Variants in G3BP1 observed in about 807,000 individuals in gnomAD.
The protein encoded by G3BP1 is ras GTPase-activating protein-binding protein 1.
In G3BP1, 35 loss-of-function variants were observed where a neutral mutation model predicts 58.6. The observed-to-expected ratio is 0.60, with a 90% CI of 0.46 to 0.79. The LOEUF is 0.79. Among genes scored for constraint, G3BP1 ranks in the 30% least tolerant of loss-of-function variants. The pLI is 0.00. For synonymous variants in G3BP1, 191 were observed against 195.4 expected (o/e 0.98, Z 0.19); for missense variants, 523 against 580.8 (o/e 0.90, Z 1.02).
intron 1 of G3BP1, among the ~76,000 whole-genome samples, chr5:151,783,517 C>T (rs558556095): frequency 4.0e-5 from 6 of 151,646 alleles, no homozygotes; most frequent in South Asian, 2.1e-4. Flanking sequence ...AAGTGATTCT[C>T]GTGCTTCAGC....
chr5:151,779,544 G>A (rs1361118605), intron 1 of G3BP1, among the ~76,000 whole-genome samples: 2 of 152,150 alleles, frequency 1.3e-5, no homozygotes. Context: ...GTGTATCTAT[G>A]TACGGTATCT....
chr5:151,795,425 G>A, intron 5 of G3BP1, 54 bp from the exon 6 acceptor site: 1 of 876,184 alleles, frequency 1.1e-6, no homozygotes, highest in South Asian at 1.5e-5. Context: ...GAAAGTTAAT[G>A]TATATGTGAA....
intron 2 of G3BP1, among the ~76,000 whole-genome samples, chr5:151,789,038 G>A (rs1444570988): frequency 6.6e-6 from 1 of 152,140 alleles, no homozygotes; most frequent in Non-Finnish European, 1.5e-5. Flanking sequence ...GCCTCCCAAA[G>A]TGTTGGGATT....
intron 1 of G3BP1, among the ~76,000 whole-genome samples, chr5:151,784,318 T>C (rs897895562): frequency 3.9e-5 from 6 of 152,180 alleles, no homozygotes; most frequent in African/African-American, 1.4e-4. Flanking sequence ...TTGCCCAGAC[T>C]AATCTCAAAC....
At chr5:151,797,171 A>G in intron 6 of G3BP1, 56 bp from the exon 7 acceptor site, 3 of 1,565,132 alleles carry the variant, frequency 1.9e-6, no homozygotes, top group Non-Finnish European at 2.6e-6. Flanking sequence ...TGATGGAGGA[A>G]TTTTTTGTGA....
At chr5:151,792,136 G>A (rs1762670453) in intron 4 of G3BP1, 2 of 456,022 alleles carry the variant, frequency 4.4e-6, no homozygotes, top group South Asian at 1.5e-5. Context: ...ACTTATGAAA[G>A]GACGACAAGT....
rs1762828696 is a variant in G3BP1 at position 151,800,252 on chromosome 5, C to G, written c.990C>G (p.Pro330=). Residue 330 remains proline, a synonymous_variant, in exon 10 of 12, where the codon CCC becomes CCG. Transcript: ENST00000356245. ...REAGEQGDIE[P]RRMVRHPDSH... Reference sequence around the variant, plus strand: ...CTGGTGAGCAAGGTGACATTGAACCCCGAAGAATGGTGAGACACCCTGACA... The same window carrying G: ...CTGGTGAGCAAGGTGACATTGAACCGCGAAGAATGGTGAGACACCCTGACA... 2 of 1,612,874 alleles carry G rather than the reference C, an allele frequency of 1.2e-6. No homozygotes were observed.
Position 151,797,241 on chromosome 5 carries a change from A to C in G3BP1, c.554A>C (p.Glu185Ala). The C allele has an allele frequency of 1.2e-6, 2 of 1,613,662 alleles. No individual in the cohort carries two copies. Among genetic ancestry groups the C allele is most frequent in the Non-Finnish European group, 1.7e-6 (2 of 1,179,572 alleles). ...TCCTGTCAAAGTAATGACATGGAAGAACATTTAGAGGAGCCTGTTGCTGAA... is the reference window on the plus strand; with the variant it reads ...TCCTGTCAAAGTAATGACATGGAAGCACATTTAGAGGAGCCTGTTGCTGAA... ...DQAVVSNDMEEHLEEPVAEPE... is the reference protein window; with the variant it reads ...DQAVVSNDMEAHLEEPVAEPE... Residue 185 changes from glutamate (E) to alanine (A), a missense_variant, in exon 7 of 12, where the codon GAA (glutamate) becomes GCA (alanine). Transcript: ENST00000356245.
rs865996742 is a variant in G3BP1, at chr5:151,811,092, G to A, written c.*7001G>A. 2.0e-5 allele frequency: 3 copies of A among 152,164 alleles called. No homozygotes were observed. The highest frequency in any genetic ancestry group is 2.9e-5 in the Non-Finnish European group (2 of 68,036). 9.4% of individuals were successfully genotyped at this position (152,164 alleles called of 1,614,324 possible). On this transcript the variant is annotated 3_prime_UTR_variant, in exon 12 of 12. Coordinates refer to ENST00000356245, the MANE Select transcript of G3BP1 (RefSeq NM_005754.3). ...CACATCCAGTCTTCAGCTAAGTCCT[G>A]TCAGTTCTACCTCAAGTCTTTCCCG...
intron 4 of G3BP1, chr5:151,792,070 A>C: frequency 2.2e-6 from 1 of 456,274 alleles, no homozygotes; most frequent in Non-Finnish European, 4.4e-6. Context: ...TTCCTGGCCC[A>C]GTCCCTATTC....
rs1223410686 is a variant in G3BP1 at position 151,807,365 on chromosome 5, T to TA, written c.*3276dup. On this transcript the variant is annotated 3_prime_UTR_variant, in exon 12 of 12. Transcript: ENST00000356245. ...TTTCTCTAGAACCATAATGCCCCCCTAATTACATTTCAGTAGCATAGACCG... is the reference window on the plus strand; with the variant it reads ...TTTCTCTAGAACCATAATGCCCCCCTAAATTACATTTCAGTAGCATAGACCG... The TA allele has an allele frequency of 6.6e-6, 1 of 152,176 alleles. No homozygotes were observed. The highest frequency in any genetic ancestry group is 1.5e-5 in the Non-Finnish European group (1 of 68,028). The allele number at this position is 152,176 out of a possible 1,614,324, so 9.4% of individuals were successfully genotyped here.
At chr5:151,800,448 T>C in intron 10 of G3BP1, 102 bp downstream of exon 10, 1 of 784,758 alleles carries the variant, frequency 1.3e-6, no homozygotes. Context: ...AATTTTCTAG[T>C]AGTCATGGTT....
chr5:151,786,494 G>A (rs2113227744), intron 1 of G3BP1, 78 bp from the exon 2 acceptor site: 2 of 684,872 alleles, frequency 2.9e-6, no homozygotes, highest in African/African-American at 1.8e-5. Context: ...TGTTTTAAAC[G>A]ACTTGCTGAA....
intron 2 of G3BP1, chr5:151,787,769 C>A: frequency 3.8e-6 from 1 of 265,508 alleles, no homozygotes; most frequent in Non-Finnish European, 7.6e-6. Flanking sequence ...GACCAGCTTG[C>A]ATATTGGATA....
chr5:151,808,636 T>G lies in G3BP1; in HGVS notation c.*4545T>G, dbSNP rs1339829101. ...TGACTTGGCCAATTACAGAAATTCC[T>G]AAGTGTAGTATTTTGAAATGTGGCC... is the stretch of plus-strand genomic sequence containing the variant. On this transcript the variant is annotated 3_prime_UTR_variant, in exon 12 of 12. Transcript: ENST00000356245. The G allele has an allele frequency of 6.6e-6, 1 of 152,224 alleles. No homozygotes were observed. The highest frequency in any genetic ancestry group is 1.5e-5 in the Non-Finnish European group (1 of 68,032). 9.4% of individuals were successfully genotyped at this position (152,224 alleles called of 1,614,324 possible). A position where few individuals can be genotyped will look rare whatever the true frequency, so the allele number is the denominator to read the frequency against.
intron 4 of G3BP1, 65 bp from the exon 5 acceptor site, chr5:151,794,094 G>T: frequency 1.1e-6 from 1 of 918,642 alleles, no homozygotes; most frequent in Non-Finnish European, 1.8e-6. Flanking sequence ...GTCACCAATG[G>T]TGTAGAGTGA....
In G3BP1 at chr5:151,786,615, A is replaced by G; in HGVS notation, c.-6A>G. ...CTTTTCCCCCCAGGTTGAATTGACC[A>G]AAGCAATGGTGATGGAGAAGCCTAG... On this transcript the variant is annotated 5_prime_UTR_variant, in exon 2 of 12. Transcript: ENST00000356245. The G allele has an allele frequency of 6.3e-7, 1 of 1,599,516 alleles. No homozygotes were observed. Among genetic ancestry groups the G allele is most frequent in the African/African-American group, 1.3e-5 (1 of 74,756 alleles).
chr5:151,790,341 T>A lies in G3BP1; in HGVS notation c.114T>A (p.Ser38=). ...TTTACAGATTTTATGGAAAGAACTCTTCTTATGTCCATGGGGGATTGGATT... is the reference window on the plus strand; with the variant it reads ...TTTACAGATTTTATGGAAAGAACTCATCTTATGTCCATGGGGGATTGGATT... The part of the protein sequence containing the change: ...DMLHRFYGKN[S]SYVHGGLDSN... Residue 38 remains serine (S), a synonymous_variant, in exon 3 of 12, where the codon TCT becomes TCA. Transcript: ENST00000356245. 1 of 1,563,654 alleles carries A rather than the reference T, an allele frequency of 6.4e-7. No individual in the cohort carries two copies. Among genetic ancestry groups the A allele is most frequent in the Non-Finnish European group, 8.7e-7 (1 of 1,149,586 alleles).
chr5:151,801,415 C>A (rs1762847150), intron 11 of G3BP1, among the ~76,000 whole-genome samples: 1 of 152,124 alleles, frequency 6.6e-6, no homozygotes, highest in Non-Finnish European at 1.5e-5. Context: ...ACTGTGGGAT[C>A]CCCAAAGAAA....
Sources: gnomAD v4.1 joint callset for allele counts (sites outside exome capture counted in the v4.1 genomes callset) on GRCh38, gnomAD v4.1.1 for gene constraint, MANE v1.5 for transcripts, NCBI Gene and HGNC (gene_info 2026-07-23, HGNC 2026-07-21) for gene names.